HOXA3: variants seen among roughly 807,000 people sequenced by gnomAD.
The protein encoded by HOXA3 is homeobox A3.
Under a neutral mutation model 30.3 loss-of-function variants are expected in HOXA3, and 8 were observed. That is an observed-to-expected ratio of 0.26 (90% CI 0.15 to 0.48). The LOEUF is 0.48. Among genes scored for constraint, HOXA3 ranks in the 20% least tolerant of loss-of-function variants. HOXA3 has a pLI of 0.99. For missense variants in HOXA3, 653 were observed against 614.4 expected (o/e 1.06, Z -0.66); for synonymous variants, 323 against 273.1 (o/e 1.18, Z -1.80).
At chr7:27,119,675 G>C (rs1439668238) in intron 4 of HOXA3, 1 of 152,192 alleles carries the variant, frequency 6.6e-6, no homozygotes, top group African/African-American at 2.4e-5. Flanking sequence ...ACTTATAGCA[G>C]CTGCAGGAGG....
At chr7:27,143,508 A>T in intron 1 of HOXA3, 1 of 1,613,772 alleles carries the variant, frequency 6.2e-7, no homozygotes, top group Non-Finnish European at 8.5e-7. Context: ...GAGTCCCTGA[A>T]TTGCTCGCTC....
chr7:27,114,325 C>A (rs1583422573), intron 4 of HOXA3, among the ~76,000 whole-genome samples: 1 of 152,106 alleles, frequency 6.6e-6, no homozygotes, highest in Admixed American at 6.5e-5. Context: ...TGAGAAACTT[C>A]GTATTCCTCT....
chr7:27,127,216 C>G (rs1289988002), intron 2 of HOXA3, 146 bp from the exon 3 acceptor site: 2 of 152,278 alleles, frequency 1.3e-5, no homozygotes, highest in East Asian at 3.9e-4. Context: ...TGCATTGCCT[C>G]CAGAAATCCC....
intron 2 of HOXA3, chr7:27,129,841 C>T (rs1583395775): frequency 3.3e-6 from 2 of 607,048 alleles, no homozygotes. Context: ...GAAGCCTCTG[C>T]CAGGGCAATT....
chr7:27,134,550 C>A (rs180799433), intron 2 of HOXA3, among the ~76,000 whole-genome samples: 1 of 152,206 alleles, frequency 6.6e-6, no homozygotes, highest in African/African-American at 2.4e-5. Flanking sequence ...CAAAGAGACA[C>A]GTAATTGTCT....
rs1409039622 is a variant in HOXA3, at chr7:27,108,969, C to T, written c.527-249G>A. The stretch of plus-strand genomic sequence containing the variant: ...CAGAGAAGTAGAACCCCCGGTTTGC[C>T]TTCCTGGTCTGGATTTTCTGTTTAG... On this transcript the variant is annotated intron_variant, in intron 5 of 5. Transcript: ENST00000612286. This position sits in a 1 kb window ranked among gnomAD's most constrained non-coding sequence, Gnocchi z 5.0. Among the ~76,000 whole-genome samples the T allele has an allele frequency of 6.6e-6, 1 of 152,182 alleles. No homozygotes were observed. The highest frequency in any genetic ancestry group is 1.9e-4 in the East Asian group (1 of 5,188).
At position 27,130,185 on chromosome 7, in the gene HOXA3, G is replaced by A. The variant is rs556430778; in HGVS notation, c.-389-3115C>T. On this transcript the variant is annotated intron_variant, in intron 2 of 5. Coordinates refer to ENST00000612286, the MANE Select transcript of HOXA3 (RefSeq NM_153631.3). ...GCTCCTTGCCCTTCAGGCCCAGCGG[G>A]CTCTTGTCGGCCAAGAGCAGCGGGC... The A allele has an allele frequency of 1.8e-5, 28 of 1,585,780 alleles. No individual in the cohort carries two copies. The African/African-American group carries it at 3.5e-4, about 20-fold the overall frequency.
rs1205982441 is a variant in HOXA3 at position 27,110,653 on chromosome 7, C to A, written c.-13G>T. 6.3e-7 allele frequency: 1 copy of A among 1,598,424 alleles called. No homozygotes were observed. The highest frequency in any genetic ancestry group is 1.7e-5 in the Admixed American group (1 of 59,766). On this transcript the variant is annotated 5_prime_UTR_variant, in exon 5 of 6. Transcript: ENST00000612286. ...TCGCTTTTTGCATCGCGTTGTTTCA[C>A]GATCTTGATCGCACACTCTGACAGG...
chr7:27,141,040 A>G (rs1005749622), intron 1 of HOXA3: 1 of 150,894 alleles, frequency 6.6e-6, no homozygotes, highest in African/African-American at 2.4e-5. Context: ...TTTGGCACAA[A>G]CCAGACCAAG....
chr7:27,149,454 C>A (rs1312607496), intron 1 of HOXA3, among the ~76,000 whole-genome samples: 1 of 152,172 alleles, frequency 6.6e-6, no homozygotes, highest in East Asian at 1.9e-4. Context: ...CTCTTCCTTG[C>A]TTTTCAATTT....
chr7:27,130,363 T>C, intron 2 of HOXA3: 1 of 1,137,350 alleles, frequency 8.8e-7, no homozygotes, highest in South Asian at 4.2e-5. Flanking sequence ...CGCTGGGCCC[T>C]TGGCTTGCGC....
At chr7:27,128,427 C>G (rs139973842) in intron 2 of HOXA3, 1 of 152,386 alleles carries the variant, frequency 6.6e-6, no homozygotes, top group East Asian at 1.9e-4. Flanking sequence ...CTCAAGCTAT[C>G]TACAAGGTTT....
intron 1 of HOXA3, chr7:27,147,902 A>G: frequency 1.4e-6 from 1 of 718,220 alleles, no homozygotes; most frequent in East Asian, 2.8e-5. Context: ...GGCCAATGGG[A>G]GCGAACGCCG....
intron 1 of HOXA3, among the ~76,000 whole-genome samples, chr7:27,145,234 C>T (rs1434687903): frequency 6.6e-6 from 1 of 152,188 alleles, no homozygotes; most frequent in East Asian, 1.9e-4. Context: ...TAGGCAGAGA[C>T]GCCCAGACAC....
chr7:27,147,021 C>G (rs1368790566), intron 1 of HOXA3: 1 of 492,162 alleles, frequency 2.0e-6, no homozygotes, highest in East Asian at 3.2e-5. Flanking sequence ...CAGCCTCTCT[C>G]TCTCTTCAGG....
chr7:27,146,877 G>T (rs956288051), intron 1 of HOXA3, among the ~76,000 whole-genome samples: 1 of 152,212 alleles, frequency 6.6e-6, no homozygotes, highest in Non-Finnish European at 1.5e-5. Flanking sequence ...CTCTCTGTAC[G>T]GGTTTCTGAA....
intron 1 of HOXA3, chr7:27,146,058 A>G (rs1305037001): frequency 1.1e-5 from 10 of 946,754 alleles, no homozygotes; most frequent in South Asian, 6.7e-5. Context: ...CTGGGGCCCA[A>G]AGCATACTGA....
rs1234880641 is a variant in HOXA3, at chr7:27,130,286, G to T, written c.-389-3216C>A. On this transcript the variant is annotated intron_variant, in intron 2 of 5. Coordinates refer to ENST00000612286, the MANE Select transcript of HOXA3 (RefSeq NM_153631.3). ...TCGCAGCGCCGCGGGGCCGCTGGGGGCACGGCGCGAGGCTGCAGGGGCGGC... is the reference window on the plus strand; with the variant it reads ...TCGCAGCGCCGCGGGGCCGCTGGGGTCACGGCGCGAGGCTGCAGGGGCGGC... 14 of 1,103,484 alleles carry T rather than the reference G, an allele frequency of 1.3e-5. No homozygotes were observed. In the African/African-American group the frequency reaches 2.2e-4, roughly 17 times the overall value. The allele number at this position is 1,103,484 out of a possible 1,614,324, so 68.4% of individuals were successfully genotyped here. A position where few individuals can be genotyped will look rare whatever the true frequency, so the allele number is the denominator to read the frequency against.
intron 4 of HOXA3, among the ~76,000 whole-genome samples, chr7:27,114,987 TTCC>T (rs1784636155): frequency 6.8e-6 from 1 of 147,268 alleles, no homozygotes; most frequent in Admixed American, 7.0e-5. Context: ...GTGGATGATT[TTCC>T]TCCTAAAGCC....
Sources: allele counts gnomAD v4.1 joint callset (sites outside exome capture counted in the v4.1 genomes callset), GRCh38; gene constraint gnomAD v4.1.1; non-coding constraint Gnocchi (gnomAD v3.1); transcripts MANE v1.5; gene names NCBI Gene and HGNC (gene_info 2026-07-23, HGNC 2026-07-21).